The following BTBD3 variants were observed in gnomAD, a reference collection of about 807,000 sequenced individuals.
BTBD3 encodes BTB domain containing 3.
BTBD3 carries 14 observed loss-of-function variants against 41.6 expected under a neutral mutation model. That is an observed-to-expected ratio of 0.34 (90% CI 0.22 to 0.53). The LOEUF (loss-of-function observed/expected upper bound fraction) is 0.53. Ranked by LOEUF, BTBD3 falls within the 20% of genes least tolerant of loss-of-function variation. BTBD3 has a pLI of 0.95. For synonymous variants in BTBD3, 249 were observed against 233.7 expected, an observed-to-expected ratio of 1.07 and a Z score of -0.60; for missense variants, 426 against 654.7, an observed-to-expected ratio of 0.65 and a Z score of 3.81.
At chr20:11,902,481 G>A (rs556554670) in intron 1 of BTBD3, among the ~76,000 whole-genome samples, 1 of 152,122 alleles carries the variant, frequency 6.6e-6, no homozygotes, top group African/African-American at 2.4e-5. Context: ...TGTTATTCGT[G>A]GTTTACTGTA....
chr20:11,908,333 TTTTTTTA>T (rs1029132186), intron 1 of BTBD3, among the ~76,000 whole-genome samples: 2 of 147,126 alleles, frequency 1.4e-5, no homozygotes, highest in Non-Finnish European at 1.5e-5. Flanking sequence ...TTTTTTTTTT[TTTTTTTA>T]AATAAGGTAC....
At chr20:11,911,163 A>T (rs1281586733) in intron 1 of BTBD3, among the ~76,000 whole-genome samples, 1 of 152,066 alleles carries the variant, frequency 6.6e-6, no homozygotes, top group Non-Finnish European at 1.5e-5. Context: ...AAAGCCTAAT[A>T]GTTACACTCA....
At chr20:11,920,622 A>G (rs144014554) in intron 3 of BTBD3, among the ~76,000 whole-genome samples, 173 of 152,332 alleles carry the variant, frequency 1.1e-3, no homozygotes, top group African/African-American at 4.0e-3. Context: ...ACAGTGTGGT[A>G]GTTCACCAAG....
chr20:11,905,569 GC>G (rs1235014078), intron 1 of BTBD3, among the ~76,000 whole-genome samples: 3 of 152,142 alleles, frequency 2.0e-5, no homozygotes, highest in African/African-American at 7.2e-5. Flanking sequence ...CCGTTTTACC[GC>G]TATGCGTAAA....
intron 1 of BTBD3, among the ~76,000 whole-genome samples, chr20:11,899,661 G>A (rs1053948070): frequency 1.3e-5 from 2 of 151,972 alleles, no homozygotes; most frequent in Admixed American, 6.6e-5. Flanking sequence ...CACTTACCAA[G>A]CAGTCATTTT....
chr20:11,904,231 C>T (rs1045409537), intron 1 of BTBD3, among the ~76,000 whole-genome samples: 9 of 152,046 alleles, frequency 5.9e-5, no homozygotes, highest in African/African-American at 2.2e-4. Flanking sequence ...GGGTGGTGCT[C>T]AGGAAACATA....
chr20:11,911,435 C>G (rs531000230), intron 1 of BTBD3, among the ~76,000 whole-genome samples: 1 of 152,286 alleles, frequency 6.6e-6, no homozygotes, highest in African/African-American at 2.4e-5. Flanking sequence ...GTAGTCAATA[C>G]ACCTGAGGAA....
At chr20:11,912,603 A>T (rs1246609598) in intron 1 of BTBD3, among the ~76,000 whole-genome samples, 1 of 152,190 alleles carries the variant, frequency 6.6e-6, no homozygotes, top group Non-Finnish European at 1.5e-5. Context: ...TTAATCTTTG[A>T]GATTTTGTGT....
At chr20:11,906,539 C>A (rs964443400) in intron 1 of BTBD3, among the ~76,000 whole-genome samples, 1 of 152,084 alleles carries the variant, frequency 6.6e-6, no homozygotes, top group Non-Finnish European at 1.5e-5. Context: ...GCTAGGATTA[C>A]AGGCGTGAGC....
chr20:11,902,347 C>G (rs1466068883), intron 1 of BTBD3, among the ~76,000 whole-genome samples: 3 of 152,060 alleles, frequency 2.0e-5, no homozygotes, highest in Non-Finnish European at 4.4e-5. Context: ...GGTGGGTGAC[C>G]ACAGCTACAG....
intron 1 of BTBD3, among the ~76,000 whole-genome samples, chr20:11,905,127 C>T (rs1229000597): frequency 1.3e-5 from 2 of 152,140 alleles, no homozygotes; most frequent in Non-Finnish European, 2.9e-5. Flanking sequence ...TTTCCAAATT[C>T]TAATTTTTGC....
At position 11,924,618 on chromosome 20, in the gene BTBD3, A is replaced by G. The variant is rs1420908102; in HGVS notation, c.*952A>G. 2.6e-5 allele frequency: 4 copies of G among 152,610 alleles called. No individual in the cohort carries two copies. Among genetic ancestry groups the G allele is most frequent in the African/African-American group, 9.7e-5 (4 of 41,448 alleles). The allele number at this position is 152,610 out of a possible 1,614,324, so 9.5% of individuals were successfully genotyped here. On this transcript the variant is annotated 3_prime_UTR_variant, in exon 4 of 4. Coordinates refer to ENST00000378226, the MANE Select transcript of BTBD3 (RefSeq NM_014962.4). ...TAGAATTTCTATTTTCTTTTTCCCCATTAAAAGAGGACCAAACAATTCTTT... is the reference window on the plus strand; with the variant it reads ...TAGAATTTCTATTTTCTTTTTCCCCGTTAAAAGAGGACCAAACAATTCTTT...
intron 1 of BTBD3, among the ~76,000 whole-genome samples, chr20:11,903,291 T>TA (rs2056834498): frequency 6.6e-6 from 1 of 152,152 alleles, no homozygotes. Flanking sequence ...GTTAACAAAT[T>TA]ATCTTAAACA....
chr20:11,901,592 C>G (rs2056824004), intron 1 of BTBD3, among the ~76,000 whole-genome samples: 3 of 152,294 alleles, frequency 2.0e-5, no homozygotes, highest in South Asian at 4.1e-4. Context: ...ATAAGTATTT[C>G]TGTGGGATCA....
intron 1 of BTBD3, among the ~76,000 whole-genome samples, chr20:11,892,191 A>G (rs563112295): frequency 2.6e-5 from 4 of 152,324 alleles, no homozygotes; most frequent in Admixed American, 2.0e-4. Context: ...TTTGTGAACT[A>G]TAATGTGACT....
intron 1 of BTBD3, among the ~76,000 whole-genome samples, chr20:11,895,866 A>G (rs187982847): frequency 6.6e-6 from 1 of 152,268 alleles, no homozygotes; most frequent in East Asian, 1.9e-4. Flanking sequence ...TTGGTATAGC[A>G]TTCCCTCTCT....
chr20:11,923,552 C>G lies in BTBD3; in HGVS notation c.1455C>G (p.Gly485=), dbSNP rs746413575. 6.2e-7 allele frequency: 1 copy of G among 1,614,172 alleles called. No individual in the cohort carries two copies. ...AACTCAGCTACTTTGGACAAGAAGG[C>G]ATGACAGAAGTTCAGTGTGGCAAAG... ...GNELSYFGQE[G]MTEVQCGKVT... The change falls in exon 4 of 4, where the codon GGC becomes GGG. Residue 485 remains glycine, a synonymous_variant. Transcript: ENST00000378226. The surrounding 1 kb of genome is among the most constrained non-coding windows in gnomAD (Gnocchi z 5.3).
At chr20:11,907,632 T>C (rs1004644670) in intron 1 of BTBD3, among the ~76,000 whole-genome samples, 1 of 152,134 alleles carries the variant, frequency 6.6e-6, no homozygotes, top group African/African-American at 2.4e-5. Context: ...GCATGATGAG[T>C]CTGGAAGCAC....
intron 1 of BTBD3, among the ~76,000 whole-genome samples, chr20:11,904,370 T>C (rs1008225145): frequency 2.0e-5 from 3 of 152,126 alleles, no homozygotes; most frequent in African/African-American, 7.2e-5. Flanking sequence ...ACTATCAAGG[T>C]GGAAATCCAC....
Sources: allele counts gnomAD v4.1 joint callset (sites outside exome capture counted in the v4.1 genomes callset), GRCh38; gene constraint gnomAD v4.1.1; non-coding constraint Gnocchi (gnomAD v3.1); transcripts MANE v1.5; gene names NCBI Gene and HGNC (gene_info 2026-07-23, HGNC 2026-07-21).